ZSCAN30: variants seen among roughly 807,000 people sequenced by gnomAD.
ZSCAN30 encodes the protein zinc finger and SCAN domain containing 30.
In ZSCAN30, 37 loss-of-function variants were observed where a neutral mutation model predicts 44.3. The observed-to-expected ratio is 0.84, with a 90% CI of 0.64 to 1.10. The LOEUF (loss-of-function observed/expected upper bound fraction) is 1.10, where lower values mean the gene tolerates loss of function less well. Among genes scored for constraint, ZSCAN30 ranks in the 50% least tolerant of loss-of-function variants. The probability of loss-of-function intolerance (pLI) is 0.00; values close to 1 mark genes in which losing one functional copy is unlikely to be tolerated. For synonymous variants in ZSCAN30, 181 were observed against 204.6 expected (o/e 0.88, Z 0.98); for missense variants, 549 against 582.6 (o/e 0.94, Z 0.59).
In ZSCAN30 at chr18:35,273,153, T is replaced by G. The variant is rs1270387248; in HGVS notation, c.-103-8698A>C. On this transcript the variant is annotated intron_variant, in intron 1 of 3. Transcript: ENST00000333206. ...AACATCCATCTCCAGAACTTTTTTA[T>G]CTTCCCAAACTGAAACTCCATACCA... is the stretch of plus-strand genomic sequence containing the variant. 3.3e-5 allele frequency among the ~76,000 whole-genome samples: 5 copies of G among 152,318 alleles called. No homozygotes were observed. In the East Asian group the frequency reaches 9.7e-4, roughly 29 times the overall value.
chr18:35,262,827 GGCACCCTCCT>G (rs2044054425), intron 3 of ZSCAN30: 1 of 152,798 alleles, frequency 6.5e-6, no homozygotes, highest in Non-Finnish European at 1.5e-5. Flanking sequence ...GGGAAGTTGT[GGCACCCTCCT>G]GCAAATTTGT....
At position 35,256,855 on chromosome 18, in the gene ZSCAN30, C is replaced by A. The variant is rs115792227; in HGVS notation, c.554-2474G>T. Among the ~76,000 whole-genome samples, 955 of 152,268 alleles carry A rather than the reference C, an allele frequency of 6.3e-3. 12 individuals carry two copies. Among genetic ancestry groups the A allele is most frequent in the African/African-American group, 0.022 (900 of 41,542 alleles). On this transcript the variant is annotated intron_variant, in intron 3 of 3. Coordinates refer to ENST00000333206, the MANE Select transcript of ZSCAN30 (RefSeq NM_001112734.4). ...GTGGTACAATTATCAGCCACTGCAGCCTTGAAATCCTGGACTCAAGGGATC... is the reference window on the plus strand; with the variant it reads ...GTGGTACAATTATCAGCCACTGCAGACTTGAAATCCTGGACTCAAGGGATC...
chr18:35,271,930 GGCC>G (rs1471906697), intron 1 of ZSCAN30, among the ~76,000 whole-genome samples: 36 of 152,192 alleles, frequency 2.4e-4, no homozygotes, highest in Admixed American at 6.5e-4. Flanking sequence ...GGCGCTGGCC[GGCC>G]GCTCCAAGTG....
At chr18:35,263,877 C>G in intron 2 of ZSCAN30, 68 bp downstream of exon 2, 2 of 1,533,182 alleles carry the variant, frequency 1.3e-6, no homozygotes, top group Middle Eastern at 1.8e-4. Context: ...AGTCAATGCC[C>G]CAGTCATAAT....
At chr18:35,276,408 A>T (rs2044368015) in intron 1 of ZSCAN30, among the ~76,000 whole-genome samples, 1 of 152,038 alleles carries the variant, frequency 6.6e-6, no homozygotes, top group Non-Finnish European at 1.5e-5. Context: ...CCTTCACAGC[A>T]GCCCCTCCCA....
At chr18:35,267,292 T>C (rs2044174525) in intron 1 of ZSCAN30, among the ~76,000 whole-genome samples, 1 of 144,104 alleles carries the variant, frequency 6.9e-6, no homozygotes, top group Non-Finnish European at 1.5e-5. Flanking sequence ...AAAGGCGGGG[T>C]GGCTGAGTGG....
At chr18:35,276,017 G>A (rs1364014745) in intron 1 of ZSCAN30, among the ~76,000 whole-genome samples, 1 of 152,106 alleles carries the variant, frequency 6.6e-6, no homozygotes, top group Non-Finnish European at 1.5e-5. Flanking sequence ...ATTCCACTTG[G>A]TCGTAGTAGA....
chr18:35,264,495 T>A, intron 1 of ZSCAN30, 40 bp from the exon 2 acceptor site: 2 of 860,962 alleles, frequency 2.3e-6, no homozygotes, highest in Non-Finnish European at 3.5e-6. Flanking sequence ...GGGAAAATAA[T>A]GTACTTGGAA....
At chr18:35,280,528 T>C (rs2044438535) in intron 1 of ZSCAN30, among the ~76,000 whole-genome samples, 1 of 152,198 alleles carries the variant, frequency 6.6e-6, no homozygotes, top group Non-Finnish European at 1.5e-5. Context: ...TGACCTGAAC[T>C]CAACTTTAAA....
At chr18:35,286,897 G>T (rs1598659912) in intron 1 of ZSCAN30, among the ~76,000 whole-genome samples, 2 of 152,230 alleles carry the variant, frequency 1.3e-5, no homozygotes, top group East Asian at 3.9e-4. Context: ...GAGTAAAACT[G>T]ATCTCATATG....
chr18:35,263,723 C>A (rs765451459), intron 2 of ZSCAN30, 66 bp from the exon 3 acceptor site: 1 of 1,577,972 alleles, frequency 6.3e-7, no homozygotes, highest in Non-Finnish European at 8.7e-7. Flanking sequence ...CCTAGAGCAA[C>A]AGGGCAGGAA....
chr18:35,265,537 GC>G (rs1008589104), intron 1 of ZSCAN30, among the ~76,000 whole-genome samples: 8 of 152,162 alleles, frequency 5.3e-5, no homozygotes, highest in African/African-American at 1.9e-4. Context: ...ATGGGTTGAT[GC>G]CCAGGACAAT....
At chr18:35,257,642 G>A in intron 3 of ZSCAN30, 1 of 443,978 alleles carries the variant, frequency 2.3e-6, no homozygotes, top group South Asian at 3.6e-5. Flanking sequence ...TCAGTTGATG[G>A]TATTTTGTTA....
At chr18:35,279,905 G>A (rs2044425390) in intron 1 of ZSCAN30, among the ~76,000 whole-genome samples, 1 of 152,154 alleles carries the variant, frequency 6.6e-6, no homozygotes, top group African/African-American at 2.4e-5. Context: ...GGTAATGGAG[G>A]TTAGGGCTTG....
rs2043648189 is a variant in ZSCAN30 at position 35,252,902 on chromosome 18, AG to A, written c.*547del. On this transcript the variant is annotated 3_prime_UTR_variant, in exon 4 of 4. Coordinates refer to ENST00000333206, the MANE Select transcript of ZSCAN30 (RefSeq NM_001112734.4). ...CTCAGGATTGAGGAGACAACTGGCAAGGGGGCAGAATGAGGCACCATTCCTC... is the reference window on the plus strand; with the variant it reads ...CTCAGGATTGAGGAGACAACTGGCAAGGGGCAGAATGAGGCACCATTCCTC... 1 of 153,174 alleles carries A rather than the reference AG, an allele frequency of 6.5e-6. No homozygotes were observed. Among genetic ancestry groups the A allele is most frequent in the South Asian group, 2.1e-4 (1 of 4,868 alleles). The allele number at this position is 153,174 out of a possible 1,614,324, so 9.5% of individuals were successfully genotyped here.
chr18:35,254,101 ACTCT>A lies in ZSCAN30; in HGVS notation c.830_833del (p.Glu277ValfsTer7), dbSNP rs760743116. 18 of 1,613,910 alleles carry A rather than the reference ACTCT, an allele frequency of 1.1e-5. No individual in the cohort carries two copies. On this transcript the variant is annotated frameshift_variant, in exon 4 of 4. Coordinates refer to ENST00000333206, the MANE Select transcript of ZSCAN30 (RefSeq NM_001112734.4). LOFTEE classifies it high-confidence loss of function. The stretch of plus-strand genomic sequence containing the variant: ...TTGAATTCATACTGAAACTTCCTTC[ACTCT>A]CATGAGATTCAAGGACACTGTGTTC...
chr18:35,254,045 C>G lies in ZSCAN30; in HGVS notation c.890G>C (p.Arg297Thr). The G allele has an allele frequency of 6.2e-7, 1 of 1,614,180 alleles. No individual in the cohort carries two copies. Among genetic ancestry groups the G allele is most frequent in the Non-Finnish European group, 8.5e-7 (1 of 1,180,008 alleles). ...GTCAAAGCACTCATAGAGCTTTTCC[C>G]TAGTGTCAACGCTCTGTTGTGTAAT... Reference protein sequence around the residue: ...NDITQQSVDTREKLYECFDCG... With the variant: ...NDITQQSVDTTEKLYECFDCG... The change falls in exon 4 of 4, where the codon AGG (arginine) becomes ACG (threonine). Residue 297 changes from arginine (R) to threonine (T), a missense_variant. Physicochemically the swap from Arg to Thr is moderately conservative, Grantham distance 71 (BLOSUM62 -1). Coordinates refer to ENST00000333206, the MANE Select transcript of ZSCAN30 (RefSeq NM_001112734.4).
chr18:35,284,004 C>T (rs2143779492), intron 1 of ZSCAN30: 1 of 152,638 alleles, frequency 6.6e-6, no homozygotes, highest in Non-Finnish European at 1.5e-5. Context: ...TCAGAGGAGA[C>T]CCTGGAGTGG....
chr18:35,287,984 C>T (rs1203889355), intron 1 of ZSCAN30, among the ~76,000 whole-genome samples: 2 of 151,794 alleles, frequency 1.3e-5, no homozygotes, highest in African/African-American at 4.8e-5. Flanking sequence ...GCAATCCTCC[C>T]ACCTCAGCCT....
Sources: gnomAD v4.1 joint callset for allele counts (sites outside exome capture counted in the v4.1 genomes callset) on GRCh38, gnomAD v4.1.1 for gene constraint, MANE v1.5 for transcripts, NCBI Gene and HGNC (gene_info 2026-07-23, HGNC 2026-07-21) for gene names.